MAPK8IP3: variants seen among roughly 807,000 people sequenced by gnomAD.
MAPK8IP3 encodes mitogen-activated protein kinase 8 interacting protein 3.
In MAPK8IP3, 49 loss-of-function variants were observed where a neutral mutation model predicts 157.8. That is an observed-to-expected ratio of 0.31 (90% CI 0.25 to 0.39). MAPK8IP3 has a LOEUF of 0.39. MAPK8IP3 is among the 10% of genes least tolerant of loss of function. MAPK8IP3 has a pLI of 1.00. For missense variants in MAPK8IP3, 1,478 were observed against 1,889.4 expected (o/e 0.78, Z 4.04); for synonymous variants, 897 against 777.7 (o/e 1.15, Z -2.55).
In MAPK8IP3 at chr16:1,751,420, T is replaced by C. The variant is rs2041281064; in HGVS notation, c.1216+2700T>C. ...ATTGCAGTGAGCTGAGATCGCACCA[T>C]TGCACTCCAGCCTGGGTGACAGGGA... is the stretch of plus-strand genomic sequence containing the variant. On this transcript the variant is annotated intron_variant, in intron 8 of 31. Coordinates refer to ENST00000610761, the MANE Select transcript of MAPK8IP3 (RefSeq NM_001318852.2). This position sits in a 1 kb window ranked among gnomAD's most constrained non-coding sequence, Gnocchi z 5.0. The C allele has an allele frequency of 1.3e-5, 2 of 151,924 alleles. No individual in the cohort carries two copies. Among genetic ancestry groups the C allele is most frequent in the Non-Finnish European group, 1.5e-5 (1 of 67,936 alleles). 9.4% of individuals were successfully genotyped at this position (151,924 alleles called of 1,614,324 possible).
intron 4 of MAPK8IP3, among the ~76,000 whole-genome samples, chr16:1,733,929 T>C (rs906792479): frequency 6.6e-6 from 1 of 152,236 alleles, no homozygotes; most frequent in Non-Finnish European, 1.5e-5. Flanking sequence ...ACAGGACCTT[T>C]GGCACCGGCC....
At position 1,769,356 on chromosome 16, in the gene MAPK8IP3, C is replaced by T. The variant is rs1596826982; in HGVS notation, c.*532C>T. On this transcript the variant is annotated 3_prime_UTR_variant, in exon 32 of 32. Transcript: ENST00000610761. The stretch of plus-strand genomic sequence containing the variant: ...GCTGCCCAGGTGCCTGCACCCCAGC[C>T]GGCCTTCTCTGGGGCCTCCCCGTCG... 2.5e-5 allele frequency: 4 copies of T among 159,584 alleles called. No homozygotes were observed. In the South Asian group the frequency reaches 5.4e-4, roughly 21 times the overall value. 9.9% of individuals were successfully genotyped at this position (159,584 alleles called of 1,614,324 possible).
rs952165288 is a variant in MAPK8IP3 at position 1,741,235 on chromosome 16, T to C, written c.603-2097T>C. 6.6e-6 allele frequency among the ~76,000 whole-genome samples: 1 copy of C among 152,056 alleles called. No individual in the cohort carries two copies. The highest frequency in any genetic ancestry group is 1.5e-5 in the Non-Finnish European group (1 of 67,970). ...GTGGTGGTCTCTGAACTAGGGAGCA[T>C]CTGCATCCCCTGAGGGAGCTGCGAG... On this transcript the variant is annotated intron_variant, in intron 4 of 31. Coordinates refer to ENST00000610761, the MANE Select transcript of MAPK8IP3 (RefSeq NM_001318852.2). This position sits in a 1 kb window ranked among gnomAD's most constrained non-coding sequence, Gnocchi z 6.9.
chr16:1,758,925 C>A, intron 9 of MAPK8IP3, 53 bp from the exon 10 acceptor site: 1 of 1,603,936 alleles, frequency 6.2e-7, no homozygotes, highest in Non-Finnish European at 8.5e-7. Flanking sequence ...CCCTTTCTCC[C>A]TCTCCTCCCG....
intron 1 of MAPK8IP3, among the ~76,000 whole-genome samples, chr16:1,716,051 T>C (rs180962947): frequency 1.3e-3 from 193 of 152,258 alleles, no homozygotes; most frequent in Non-Finnish European, 2.1e-3. Flanking sequence ...TGTATTACTT[T>C]ACTCAGCAGG....
intron 13 of MAPK8IP3, among the ~76,000 whole-genome samples, 178 bp downstream of exon 13, chr16:1,761,483 C>T (rs1181925867): frequency 2.0e-5 from 3 of 150,042 alleles, no homozygotes; most frequent in African/African-American, 5.0e-5. Context: ...ACAGGCGGGG[C>T]GGCCACCATT....
rs117342699 is a variant in MAPK8IP3, at chr16:1,766,738, G to A, written c.2955G>A (p.Ser985=). ...GAQNGWLYVH[S]AVANWKKCLH... ...CCTTCCCTAGGCTCTATGTGCACTC[G>A]GCTGTGGCCAACTGGAAGAAGTGCC... Residue 985 remains serine, a synonymous_variant, in exon 24 of 32, where the codon TCG becomes TCA. Transcript: ENST00000610761. The A allele has an allele frequency of 8.9e-3, 14,431 of 1,612,820 alleles. 77 individuals are homozygous for A. The highest frequency in any genetic ancestry group is 0.011 in the Middle Eastern group (69 of 6,062).
chr16:1,752,510 G>GGGCA (rs1030780187), intron 8 of MAPK8IP3: 1 of 362,672 alleles, frequency 2.8e-6, no homozygotes, highest in African/African-American at 2.2e-5. Flanking sequence ...TGGGAGGCCA[G>GGGCA]GGCAGGAGGA....
In MAPK8IP3 at chr16:1,706,332, T is replaced by C; in HGVS notation, c.-8T>C. On this transcript the variant is annotated 5_prime_UTR_variant, in exon 1 of 32. Coordinates refer to ENST00000610761, the MANE Select transcript of MAPK8IP3 (RefSeq NM_001318852.2). The surrounding 1 kb of genome is among the most constrained non-coding windows in gnomAD (Gnocchi z 5.1). ...TAGCGAGCCGCGCTGGCGGCGGCGG[T>C]GGCCGCGATGATGGAGATCCAGATG... The C allele has an allele frequency of 6.5e-7, 1 of 1,546,262 alleles. No homozygotes were observed. Among genetic ancestry groups the C allele is most frequent in the South Asian group, 1.2e-5 (1 of 85,136 alleles).
Position 1,713,196 on chromosome 16 carries a change from G to A in MAPK8IP3, c.318+6539G>A, listed in dbSNP as rs148398924. Among the ~76,000 whole-genome samples the A allele has an allele frequency of 4.1e-3, 627 of 152,326 alleles. 3 individuals are homozygous for A. The highest frequency in any genetic ancestry group is 6.8e-3 in the Middle Eastern group (2 of 294). Reference sequence around the variant, plus strand: ...CACTTCAGTAGCTGCTGGCCACATAGGGCCGTTGAGCATTTTAGGCATGAC... The same window carrying A: ...CACTTCAGTAGCTGCTGGCCACATAAGGCCGTTGAGCATTTTAGGCATGAC... On this transcript the variant is annotated intron_variant, in intron 1 of 31. Transcript: ENST00000610761.
chr16:1,768,667 G>A, intron 31 of MAPK8IP3, 36 bp from the exon 32 acceptor site: 1 of 1,611,072 alleles, frequency 6.2e-7, no homozygotes, highest in Non-Finnish European at 8.5e-7. Context: ...TGGGCGCGGG[G>A]GGAGCCTGGC....
In MAPK8IP3 at chr16:1,762,916, C is replaced by T; in HGVS notation, c.1808C>T (p.Ser603Leu). Residue 603 changes from serine (S) to leucine (L), a missense_variant, in exon 16 of 32, where the codon TCA becomes TTA. Coordinates refer to ENST00000610761, the MANE Select transcript of MAPK8IP3 (RefSeq NM_001318852.2). ...PYPSVNIHYK[S>L]PTTAGFSQRR... is the part of the protein sequence containing the mutation. ...CCCTCGGTGAACATCCACTACAAGT[C>T]ACCCACCACTGCCGGCTTCAGCCAG... is the stretch of plus-strand genomic sequence containing the variant. 2 of 1,613,094 alleles carry T rather than the reference C, an allele frequency of 1.2e-6. No homozygotes were observed. Among genetic ancestry groups the T allele is most frequent in the African/African-American group, 1.3e-5 (1 of 75,062 alleles).
rs936803109 is a variant in MAPK8IP3 at position 1,743,082 on chromosome 16, G to A, written c.603-250G>A. On this transcript the variant is annotated intron_variant, in intron 4 of 31. Transcript: ENST00000610761. This position sits in a 1 kb window ranked among gnomAD's most constrained non-coding sequence, Gnocchi z 5.6. ...TGCACTCCAGCCTGGGTGACAGAGC[G>A]AGACTCCGCCTCAAAAAAAATAAAA... Among the ~76,000 whole-genome samples, 11 of 151,948 alleles carry A rather than the reference G, an allele frequency of 7.2e-5. No individual in the cohort carries two copies. The highest frequency in any genetic ancestry group is 2.1e-4 in the South Asian group (1 of 4,822).
At chr16:1,763,832 C>A in intron 17 of MAPK8IP3, 49 bp downstream of exon 17, 1 of 121,890 alleles carries the variant, frequency 8.2e-6, no homozygotes, top group Non-Finnish European at 1.4e-5. Flanking sequence ...AGAGGCGGGG[C>A]GGGGGTAAGG....
At chr16:1,719,001 A>G (rs1211556048) in intron 1 of MAPK8IP3, among the ~76,000 whole-genome samples, 1 of 152,102 alleles carries the variant, frequency 6.6e-6, no homozygotes, top group East Asian at 1.9e-4. Context: ...CCCAGTAGGT[A>G]GGTCAAGGCT....
At position 1,743,561 on chromosome 16, in the gene MAPK8IP3, C is replaced by G; in HGVS notation, c.747+85C>G. ...CTGGGGCGGGAGCCTCGTCTGCAGG[C>G]AGCCCTTCACGGCTCTCTGGGCCAC... is the stretch of plus-strand genomic sequence containing the variant. On this transcript the variant is annotated intron_variant, in intron 5 of 31. Transcript: ENST00000610761. The surrounding 1 kb of genome is among the most constrained non-coding windows in gnomAD (Gnocchi z 5.6). The G allele has an allele frequency of 6.5e-7, 1 of 1,531,284 alleles. No individual in the cohort carries two copies. The highest frequency in any genetic ancestry group is 8.7e-7 in the Non-Finnish European group (1 of 1,149,838). The allele number at this position is 1,531,284 out of a possible 1,614,324, so 94.9% of individuals were successfully genotyped here.
intron 6 of MAPK8IP3, among the ~76,000 whole-genome samples, chr16:1,747,697 C>T (rs755077280): frequency 1.1e-4 from 17 of 152,014 alleles, no homozygotes; most frequent in South Asian, 2.1e-4. Flanking sequence ...CGTCACCCCA[C>T]GGCACACAGC....
At chr16:1,725,974 G>A (rs893280962) in intron 2 of MAPK8IP3, among the ~76,000 whole-genome samples, 3 of 152,210 alleles carry the variant, frequency 2.0e-5, no homozygotes, top group African/African-American at 4.8e-5. Flanking sequence ...GCGAGCCACC[G>A]CGCCTGGCCC....
At chr16:1,767,378 C>T (rs1311085585) in intron 26 of MAPK8IP3, 81 bp downstream of exon 26, 3 of 1,581,864 alleles carry the variant, frequency 1.9e-6, no homozygotes, top group African/African-American at 2.7e-5. Context: ...TACGGAAGTC[C>T]ACGAGGCCCT....
Sources: allele counts gnomAD v4.1 joint callset (sites outside exome capture counted in the v4.1 genomes callset), GRCh38; gene constraint gnomAD v4.1.1; non-coding constraint Gnocchi (gnomAD v3.1); transcripts MANE v1.5; gene names NCBI Gene and HGNC (gene_info 2026-07-23, HGNC 2026-07-21).